Variants in IGSF5 observed in about 807,000 individuals in gnomAD.
The protein encoded by IGSF5 is immunoglobulin superfamily 5 like.
IGSF5 carries 41 observed loss-of-function variants against 39.4 expected under a neutral mutation model. The ratio of observed to expected loss-of-function variants is 1.04; its 90% CI spans 0.81 to 1.35. The LOEUF is 1.35. Among genes scored for constraint, IGSF5 ranks in the 40% most tolerant of loss-of-function variants. The pLI is 0.00. For missense variants in IGSF5, 487 were observed against 494.6 expected (o/e 0.98, Z 0.15); for synonymous variants, 183 against 175.3 (o/e 1.04, Z -0.34).
upstream of IGSF5, among the ~76,000 whole-genome samples, chr21:39,744,838 G>A (rs1041295179): frequency 1.3e-5 from 2 of 152,164 alleles, no homozygotes; most frequent in African/African-American, 4.8e-5. Flanking sequence ...AGCAGTTGCC[G>A]CTACCAACTG....
chr21:39,779,276 G>T lies in IGSF5; in HGVS notation c.905G>T (p.Arg302Leu). ...TGTTGTGGCTGCAACTGCTGCTGCC[G>T]TTGTTGTTTCTGCTGTAGAAGAAAA... The part of the protein sequence containing the change: ...RRCCGCNCCC[R>L]CCFCCRRKRG... The change falls in exon 5 of 9, where the codon CGT becomes CTT. Residue 302 changes from arginine to leucine, a missense_variant. Physicochemically the swap from Arg to Leu is moderately radical, Grantham distance 102 (BLOSUM62 -2). Coordinates refer to ENST00000380588, the MANE Select transcript of IGSF5 (RefSeq NM_001080444.2). The T allele has an allele frequency of 6.2e-7, 1 of 1,613,094 alleles. No homozygotes were observed. The highest frequency in any genetic ancestry group is 1.3e-5 in the African/African-American group (1 of 75,004).
chr21:39,739,345 G>A, the IGSF5 span, among the ~76,000 whole-genome samples: 20 of 152,056 alleles, frequency 1.3e-4, no homozygotes, highest in South Asian at 4.2e-4. Flanking sequence ...GGGGGTTGCC[G>A]TTGCTGGCTC....
intron 2 of IGSF5, among the ~76,000 whole-genome samples, chr21:39,748,465 C>G (rs1031245607): frequency 6.6e-6 from 1 of 151,966 alleles, no homozygotes; most frequent in Non-Finnish European, 1.5e-5. Flanking sequence ...CACGTGCCAT[C>G]ACATCCGGCT....
the IGSF5 span, among the ~76,000 whole-genome samples, chr21:39,715,390 A>T: frequency 2.6e-5 from 4 of 152,152 alleles, no homozygotes; most frequent in African/African-American, 9.7e-5. Context: ...AAGTGATGGG[A>T]TTGTGGGTAT....
intron 2 of IGSF5, among the ~76,000 whole-genome samples, chr21:39,757,897 A>C (rs1264007768): frequency 6.6e-6 from 1 of 152,080 alleles, no homozygotes; most frequent in Non-Finnish European, 1.5e-5. Flanking sequence ...AACACTTCCC[A>C]GATGAGGCTG....
At chr21:39,792,123 A>C (rs368607988) in intron 7 of IGSF5, 24 bp downstream of exon 7, 1 of 1,518,358 alleles carries the variant, frequency 6.6e-7, no homozygotes, top group Non-Finnish European at 9.1e-7. Flanking sequence ...AGGGGTGGTG[A>C]AAAGACCTGG....
intron 4 of IGSF5, among the ~76,000 whole-genome samples, chr21:39,778,469 G>T (rs2080152099): frequency 6.6e-6 from 1 of 152,036 alleles, no homozygotes; most frequent in Non-Finnish European, 1.5e-5. Flanking sequence ...ATGACTACTA[G>T]GTAAAATAAG....
At chr21:39,711,957 A>T in the IGSF5 span, among the ~76,000 whole-genome samples, 6 of 152,106 alleles carry the variant, frequency 3.9e-5, no homozygotes, top group Admixed American at 3.3e-4. Flanking sequence ...TTAATGTGTA[A>T]TGAGACTCTC....
At chr21:39,782,202 T>C (rs1014397138) in intron 5 of IGSF5, among the ~76,000 whole-genome samples, 2 of 152,220 alleles carry the variant, frequency 1.3e-5, no homozygotes, top group African/African-American at 4.8e-5. Context: ...TGCCTATTCA[T>C]GCACTTACAC....
chr21:39,759,991 A>G (rs2080053439), intron 2 of IGSF5, among the ~76,000 whole-genome samples: 1 of 152,098 alleles, frequency 6.6e-6, no homozygotes, highest in Non-Finnish European at 1.5e-5. Flanking sequence ...AGAGCTCCTG[A>G]GGGTCCATCC....
At chr21:39,733,834 T>C in the IGSF5 span, among the ~76,000 whole-genome samples, 1 of 152,226 alleles carries the variant, frequency 6.6e-6, no homozygotes, top group Admixed American at 6.5e-5. Flanking sequence ...GCCTTTTTTG[T>C]TACACAGCCT....
At chr21:39,770,849 A>G in intron 3 of IGSF5, 67 bp from the exon 4 acceptor site, 9 of 1,191,460 alleles carry the variant, frequency 7.6e-6, no homozygotes, top group Non-Finnish European at 9.9e-6. Flanking sequence ...AAAGAAAAAA[A>G]AAAAGAAAAC....
At chr21:39,740,372 G>T (rs2079943349), upstream of IGSF5, among the ~76,000 whole-genome samples, 1 of 152,140 alleles carries the variant, frequency 6.6e-6, no homozygotes, top group Non-Finnish European at 1.5e-5. Context: ...TTCCCTAATG[G>T]CTTCCTGATG....
intron 4 of IGSF5, among the ~76,000 whole-genome samples, chr21:39,775,991 T>C (rs1259893772): frequency 6.6e-6 from 1 of 152,198 alleles, no homozygotes; most frequent in Non-Finnish European, 1.5e-5. Context: ...ACTTAGTCAC[T>C]CTGTCCTGAG....
At chr21:39,723,178 A>G in the IGSF5 span, among the ~76,000 whole-genome samples, 2 of 152,218 alleles carry the variant, frequency 1.3e-5, no homozygotes, top group Non-Finnish European at 2.9e-5. Flanking sequence ...CTAGGGCCTC[A>G]TCTGAAGGCT....
chr21:39,793,226 C>T (rs1157667751), intron 7 of IGSF5, among the ~76,000 whole-genome samples: 1 of 152,250 alleles, frequency 6.6e-6, no homozygotes, highest in Admixed American at 6.5e-5. Flanking sequence ...TCTCTTTTAT[C>T]TCCATTTGTC....
At chr21:39,739,670 C>T in the IGSF5 span, among the ~76,000 whole-genome samples, 3 of 152,048 alleles carry the variant, frequency 2.0e-5, no homozygotes, top group African/African-American at 7.2e-5. Context: ...TTCCTGCTGG[C>T]CTGGGGTGTA....
intron 4 of IGSF5, among the ~76,000 whole-genome samples, chr21:39,772,333 G>C (rs2080119306): frequency 6.6e-6 from 1 of 152,220 alleles, no homozygotes; most frequent in Admixed American, 6.5e-5. Flanking sequence ...TCTGTCTCCA[G>C]AAACTGCTCA....
the IGSF5 span, among the ~76,000 whole-genome samples, chr21:39,735,467 G>A: frequency 6.6e-6 from 1 of 151,948 alleles, no homozygotes. Context: ...GTTAAATATT[G>A]GCCCTTTAAT....
Sources: gnomAD v4.1 joint callset for allele counts (sites outside exome capture counted in the v4.1 genomes callset) on GRCh38, gnomAD v4.1.1 for gene constraint, MANE v1.5 for transcripts, NCBI Gene and HGNC (gene_info 2026-07-23, HGNC 2026-07-21) for gene names.